The following SLC35F3 variants were observed in gnomAD, a reference collection of about 807,000 sequenced individuals.
SLC35F3 encodes the protein putative thiamine transporter SLC35F3.
A neutral mutation model predicts 49.9 loss-of-function variants in SLC35F3; 25 were observed. The observed-to-expected ratio is 0.50, with a 90% CI of 0.37 to 0.70. The LOEUF (loss-of-function observed/expected upper bound fraction) is 0.70, where lower values mean the gene tolerates loss of function less well. Among genes scored for constraint, SLC35F3 ranks in the 30% least tolerant of loss-of-function variants. The pLI is 0.00. For missense variants in SLC35F3, 525 were observed against 639.8 expected, an observed-to-expected ratio of 0.82 and a Z score of 1.94; for synonymous variants, 275 against 265.4, an observed-to-expected ratio of 1.04 and a Z score of -0.35.
intron 2 of SLC35F3, among the ~76,000 whole-genome samples, chr1:234,175,269 A>G (rs1279247739): frequency 6.6e-6 from 1 of 152,228 alleles, no homozygotes; most frequent in Non-Finnish European, 1.5e-5. Flanking sequence ...GGTCCAAAGA[A>G]GCAATCTTTA....
chr1:234,058,804 G>GT (rs200101159), intron 2 of SLC35F3, among the ~76,000 whole-genome samples: 2,410 of 151,312 alleles, frequency 0.016, 68 homozygotes, highest in African/African-American at 0.054. Context: ...ATTTTTTTGG[G>GT]TTTTTTTTGG....
intron 2 of SLC35F3, among the ~76,000 whole-genome samples, chr1:234,071,923 G>A (rs1335172724): frequency 2.6e-5 from 4 of 152,170 alleles, no homozygotes; most frequent in Non-Finnish European, 5.9e-5. Context: ...ATCCCACAGG[G>A]CACAATTGGC....
At chr1:233,969,574 T>A (rs2102816408) in intron 2 of SLC35F3, among the ~76,000 whole-genome samples, 1 of 152,344 alleles carries the variant, frequency 6.6e-6, no homozygotes, top group South Asian at 2.1e-4. Context: ...GTAGCTCCCC[T>A]GCTTCTTCAA....
intron 2 of SLC35F3, among the ~76,000 whole-genome samples, chr1:234,057,431 G>C (rs1664473183): frequency 1.3e-5 from 2 of 151,954 alleles, no homozygotes; most frequent in African/African-American, 4.8e-5. Context: ...AAATGGAACT[G>C]TTTTCTTAAT....
intron 3 of SLC35F3, among the ~76,000 whole-genome samples, chr1:234,236,592 G>A (rs1339333085): frequency 6.6e-6 from 1 of 152,100 alleles, no homozygotes; most frequent in Non-Finnish European, 1.5e-5. Flanking sequence ...GCTCTTCTTA[G>A]GATGTAGGAT....
chr1:234,199,093 T>TG (rs1212168235), intron 2 of SLC35F3, among the ~76,000 whole-genome samples: 3 of 149,984 alleles, frequency 2.0e-5, no homozygotes, highest in Non-Finnish European at 4.4e-5. Flanking sequence ...CCAGTTATGG[T>TG]GGTGCATGCC....
intron 2 of SLC35F3, among the ~76,000 whole-genome samples, chr1:234,137,566 A>G (rs893226612): frequency 3.9e-5 from 6 of 152,204 alleles, no homozygotes; most frequent in African/African-American, 1.4e-4. Flanking sequence ...TTGGCTTTGA[A>G]TGAAAGGAAA....
Position 234,155,782 on chromosome 1 carries a change from C to CAAAA in SLC35F3, c.284-75628_284-75625dup, listed in dbSNP as rs59089092. ...TAGAACTCTACTTCACACAATATAC[C>CAAAA]AAAAAAAAAACCCCAAAAACAAAAA... On this transcript the variant is annotated intron_variant, in intron 2 of 7. Transcript: ENST00000366618. Among the ~76,000 whole-genome samples the CAAAA allele has an allele frequency of 4.3e-3, 608 of 142,706 alleles. 4 individuals carry two copies. The highest frequency in any genetic ancestry group is 0.029 in the East Asian group (142 of 4,840). 93.6% of individuals were successfully genotyped at this position (142,706 alleles called of 152,430 possible).
chr1:234,076,794 A>G (rs945953402), intron 2 of SLC35F3, among the ~76,000 whole-genome samples: 1 of 152,004 alleles, frequency 6.6e-6, no homozygotes, highest in African/African-American at 2.4e-5. Context: ...AAAAAGCTAG[A>G]ATCCTAGCAG....
intron 2 of SLC35F3, among the ~76,000 whole-genome samples, chr1:234,140,221 G>A (rs867699284): frequency 2.0e-5 from 3 of 151,896 alleles, no homozygotes; most frequent in Non-Finnish European, 2.9e-5. Flanking sequence ...TTCCATTTAC[G>A]TCACAATGCC....
intron 2 of SLC35F3, among the ~76,000 whole-genome samples, chr1:234,038,490 G>T (rs1188680111): frequency 6.6e-6 from 1 of 152,000 alleles, no homozygotes; most frequent in Admixed American, 6.6e-5. Flanking sequence ...GTAATGGGAT[G>T]GCTGGGTCAA....
intron 2 of SLC35F3, among the ~76,000 whole-genome samples, chr1:234,163,247 T>A (rs558156135): frequency 1.3e-5 from 2 of 152,348 alleles, no homozygotes; most frequent in East Asian, 3.9e-4. Context: ...ACACCTTAGA[T>A]GTTGATGTTA....
chr1:234,286,086 A>T (rs1668414830), intron 3 of SLC35F3, among the ~76,000 whole-genome samples: 1 of 152,222 alleles, frequency 6.6e-6, no homozygotes, highest in African/African-American at 2.4e-5. Flanking sequence ...GTGATATCGT[A>T]TGTGTTAAAA....
chr1:234,069,177 T>C (rs1288374315), intron 2 of SLC35F3, among the ~76,000 whole-genome samples: 3 of 138,052 alleles, frequency 2.2e-5, no homozygotes, highest in African/African-American at 8.0e-5. Context: ...TAATATAATA[T>C]ATAAAATTTT....
At position 234,077,949 on chromosome 1, in the gene SLC35F3, G is replaced by T. The variant is rs571131499; in HGVS notation, c.284-153468G>T. On this transcript the variant is annotated intron_variant, in intron 2 of 7. Coordinates refer to ENST00000366618, the MANE Select transcript of SLC35F3 (RefSeq NM_173508.4). ...TTGCTCCCCAGAGAATATGAAAGAT[G>T]TCAGGGAGGAATTACTTCAGCTCTC... 7.2e-5 allele frequency among the ~76,000 whole-genome samples: 11 copies of T among 152,272 alleles called. 1 individual carries two copies. Among genetic ancestry groups the T allele is most frequent in the Middle Eastern group, 3.4e-3 (1 of 294 alleles).
chr1:233,961,606 A>G (rs1662805257), intron 2 of SLC35F3, among the ~76,000 whole-genome samples: 1 of 151,826 alleles, frequency 6.6e-6, no homozygotes, highest in South Asian at 2.1e-4. Context: ...ACAGGCGCAC[A>G]CCACCACACC....
intron 2 of SLC35F3, among the ~76,000 whole-genome samples, chr1:233,985,035 G>T (rs1439249483): frequency 6.6e-6 from 1 of 152,104 alleles, no homozygotes; most frequent in Non-Finnish European, 1.5e-5. Flanking sequence ...CCCTAAGAGG[G>T]GTCCCTGCTC....
intron 2 of SLC35F3, among the ~76,000 whole-genome samples, chr1:234,097,539 TACACGCACAC>T (rs1037014954): frequency 7.9e-5 from 12 of 151,924 alleles, no homozygotes; most frequent in Admixed American, 6.6e-4. Flanking sequence ...TACACACACA[TACACGCACAC>T]ACACGCACAC....
chr1:234,042,882 C>G (rs1197452643), intron 2 of SLC35F3, among the ~76,000 whole-genome samples: 19 of 152,308 alleles, frequency 1.2e-4, no homozygotes, highest in Non-Finnish European at 7.3e-5. Context: ...CGTCTTCCGC[C>G]TTCGCTCACC....
Sources: allele counts gnomAD v4.1 joint callset (sites outside exome capture counted in the v4.1 genomes callset), GRCh38; gene constraint gnomAD v4.1.1; transcripts MANE v1.5; gene names NCBI Gene and HGNC (gene_info 2026-07-23, HGNC 2026-07-21).